MACROD2: variants seen among roughly 807,000 people sequenced by gnomAD.
MACROD2 encodes the protein ADP-ribose glycohydrolase MACROD2.
A neutral mutation model predicts 70.4 loss-of-function variants in MACROD2; 36 were observed. That is an observed-to-expected ratio of 0.51 (90% CI 0.39 to 0.68). MACROD2 has a LOEUF of 0.68. Ranked by LOEUF, MACROD2 falls within the 30% of genes least tolerant of loss-of-function variation. The pLI, the probability that MACROD2 is intolerant of heterozygous loss-of-function variation, is 0.00. For synonymous variants in MACROD2, 172 were observed against 178.8 expected (o/e 0.96, Z 0.30); for missense variants, 496 against 538.4 (o/e 0.92, Z 0.78).
Position 15,984,957 on chromosome 20 carries a change from G to A in MACROD2, c.986-1770G>A, listed in dbSNP as rs150532001. Among the ~76,000 whole-genome samples the A allele has an allele frequency of 6.7e-3, 1,013 of 152,200 alleles. 8 individuals carry two copies. The highest frequency in any genetic ancestry group is 0.023 in the African/African-American group (952 of 41,504). On this transcript the variant is annotated intron_variant, in intron 13 of 17. Transcript: ENST00000684519. ...AGGGGGTCTAAAACTAGCTGTAACT[G>A]TCTATGTACGGAAACTGGCCTGGGT...
At chr20:14,887,874 A>G (rs2073700407) in intron 5 of MACROD2, among the ~76,000 whole-genome samples, 1 of 152,030 alleles carries the variant, frequency 6.6e-6, no homozygotes. Flanking sequence ...AAAAAAAAAA[A>G]AAAACCTGTG....
chr20:15,842,444 G>T (rs1192127253), intron 8 of MACROD2, among the ~76,000 whole-genome samples: 2 of 148,608 alleles, frequency 1.3e-5, no homozygotes, highest in Admixed American at 6.8e-5. Context: ...CAAAAATCCC[G>T]AGACCTTTCA....
chr20:14,301,892 T>C (rs1464242674), intron 3 of MACROD2, among the ~76,000 whole-genome samples: 1 of 152,180 alleles, frequency 6.6e-6, no homozygotes, highest in East Asian at 1.9e-4. Context: ...AGATCTTTTA[T>C]GCATAACTAC....
chr20:14,651,208 T>C (rs1214662145), intron 4 of MACROD2, among the ~76,000 whole-genome samples: 2 of 152,170 alleles, frequency 1.3e-5, no homozygotes, highest in Non-Finnish European at 2.9e-5. Flanking sequence ...TTTCCCAAAC[T>C]TGTATGGTCT....
chr20:15,972,628 G>T (rs1358433674), intron 13 of MACROD2, among the ~76,000 whole-genome samples: 1 of 152,076 alleles, frequency 6.6e-6, no homozygotes, highest in Admixed American at 6.5e-5. Context: ...TGGCCAACAT[G>T]GTGAAACCCC....
At chr20:15,826,197 C>A (rs1368608676) in intron 8 of MACROD2, among the ~76,000 whole-genome samples, 1 of 152,124 alleles carries the variant, frequency 6.6e-6, no homozygotes, top group East Asian at 1.9e-4. Flanking sequence ...TTACACACAC[C>A]AACACATTTG....
chr20:15,597,177 G>A lies in MACROD2; in HGVS notation c.645+97330G>A, dbSNP rs117011844. Among the ~76,000 whole-genome samples, 769 of 152,328 alleles carry A rather than the reference G, an allele frequency of 5.0e-3. 5 individuals are homozygous for A. The highest frequency in any genetic ancestry group is 0.01 in the Admixed American group (159 of 15,306). On this transcript the variant is annotated intron_variant, in intron 8 of 17. Coordinates refer to ENST00000684519, the MANE Select transcript of MACROD2 (RefSeq NM_001351661.2). ...CATTCTTCTCCCACAAGGAGGAGAG[G>A]TGGAGAAAGTGTTTGCTTCTCACCT...
intron 10 of MACROD2, among the ~76,000 whole-genome samples, chr20:15,910,742 G>GC (rs1250532913): frequency 4.6e-5 from 7 of 152,114 alleles, no homozygotes; most frequent in Non-Finnish European, 7.4e-5. Flanking sequence ...CCAAGGTGTC[G>GC]CCAATGTGAA....
chr20:15,404,965 T>C (rs2146314374), intron 6 of MACROD2, among the ~76,000 whole-genome samples: 1 of 152,346 alleles, frequency 6.6e-6, no homozygotes, highest in Middle Eastern at 3.4e-3. Flanking sequence ...AAAAATGAAG[T>C]ACTGATACGT....
intron 5 of MACROD2, among the ~76,000 whole-genome samples, chr20:15,203,453 C>T (rs977838103): frequency 6.6e-6 from 1 of 152,034 alleles, no homozygotes; most frequent in Non-Finnish European, 1.5e-5. Flanking sequence ...AATTCCTTGA[C>T]TATTTGTACT....
intron 8 of MACROD2, among the ~76,000 whole-genome samples, chr20:15,640,089 G>C (rs1220234855): frequency 2.0e-5 from 3 of 151,780 alleles, no homozygotes; most frequent in Non-Finnish European, 4.4e-5. Context: ...GAGAAAAAAG[G>C]AGATAAAAGG....
intron 3 of MACROD2, among the ~76,000 whole-genome samples, chr20:14,124,340 C>G (rs969817224): frequency 6.6e-6 from 1 of 152,158 alleles, no homozygotes; most frequent in Non-Finnish European, 1.5e-5. Flanking sequence ...CTCCTACTTA[C>G]CCATTAAGAC....
At chr20:14,954,475 A>G (rs1026724192) in intron 5 of MACROD2, among the ~76,000 whole-genome samples, 134 of 142,738 alleles carry the variant, frequency 9.4e-4, no homozygotes, top group African/African-American at 3.0e-3. Context: ...AATTATATAT[A>G]TATTTAAATA....
At chr20:14,231,138 C>CT (rs569893305) in intron 3 of MACROD2, among the ~76,000 whole-genome samples, 2,227 of 145,188 alleles carry the variant, frequency 0.015, 22 homozygotes, top group African/African-American at 0.028. Context: ...CTTTTTTTTT[C>CT]TTTTTTTTTT....
In MACROD2 at chr20:14,831,780, CAAAAAAAAAAAAA is replaced by C. The variant is rs71190151; in HGVS notation, c.418+146836_418+146848del. Among the ~76,000 whole-genome samples, 9 of 37,172 alleles carry C rather than the reference CAAAAAAAAAAAAA, an allele frequency of 2.4e-4. 1 individual carries two copies. Among genetic ancestry groups the C allele is most frequent in the East Asian group, 1.2e-3 (1 of 812 alleles). 24.4% of individuals were successfully genotyped at this position (37,172 alleles called of 152,430 possible). On this transcript the variant is annotated intron_variant, in intron 5 of 17. Coordinates refer to ENST00000684519, the MANE Select transcript of MACROD2 (RefSeq NM_001351661.2). Reference sequence around the variant, plus strand: ...GGGTGACAAGAGTGAAACTCCGTCTCAAAAAAAAAAAAAAAAAAAAAAAAAAAGCAACAACACA... The same window carrying C: ...GGGTGACAAGAGTGAAACTCCGTCTCAAAAAAAAAAAAAAGCAACAACACA...
chr20:14,407,361 G>T (rs777698691), intron 3 of MACROD2, among the ~76,000 whole-genome samples: 3 of 151,894 alleles, frequency 2.0e-5, no homozygotes, highest in Non-Finnish European at 4.4e-5. Flanking sequence ...AGCTGATGGT[G>T]ACTCTGTTTT....
intron 8 of MACROD2, among the ~76,000 whole-genome samples, chr20:15,505,541 C>T (rs1213654014): frequency 2.0e-5 from 3 of 152,098 alleles, no homozygotes; most frequent in African/African-American, 7.2e-5. Context: ...TCCCCTGAGG[C>T]CCGGCCCCAG....
At chr20:15,728,613 T>C (rs372288996) in intron 8 of MACROD2, among the ~76,000 whole-genome samples, 2 of 152,190 alleles carry the variant, frequency 1.3e-5, no homozygotes, top group East Asian at 3.9e-4. Flanking sequence ...AGTTTCTTCT[T>C]GGTTCCATCT....
At chr20:14,905,598 C>T (rs570144983) in intron 5 of MACROD2, 23 of 152,324 alleles carry the variant, frequency 1.5e-4, no homozygotes, top group African/African-American at 5.3e-4. Flanking sequence ...CCTTCCTGCC[C>T]TCACAGTCTG....
Sources: gnomAD v4.1 joint callset for allele counts (sites outside exome capture counted in the v4.1 genomes callset) on GRCh38, gnomAD v4.1.1 for gene constraint, MANE v1.5 for transcripts, NCBI Gene and HGNC (gene_info 2026-07-23, HGNC 2026-07-21) for gene names.